Variants in CSMD1 observed in about 807,000 individuals in gnomAD.
CSMD1 encodes the protein CUB and sushi domain-containing protein 1.
In CSMD1, 213 loss-of-function variants were observed where a neutral mutation model predicts 417.5. The ratio of observed to expected loss-of-function variants is 0.51; its 90% confidence interval spans 0.46 to 0.57. The LOEUF (loss-of-function observed/expected upper bound fraction) is 0.57, where lower values mean the gene tolerates loss of function less well. Ranked by LOEUF, CSMD1 falls within the 20% of genes least tolerant of loss-of-function variation. The pLI, the probability that CSMD1 is intolerant of heterozygous loss-of-function variation, is 0.00. For synonymous variants in CSMD1, 2,862 were observed against 1,736.8 expected, an observed-to-expected ratio of 1.65 and a Z score of -16.11; for missense variants, 6,923 against 4,529.7, an observed-to-expected ratio of 1.53 and a Z score of -15.17.
chr8:4,185,016 T>A (rs997940024), intron 3 of CSMD1, among the ~76,000 whole-genome samples: 1 of 151,020 alleles, frequency 6.6e-6, no homozygotes, highest in Non-Finnish European at 1.5e-5. Flanking sequence ...GTGGGTGCCT[T>A]TAATCCCAGC....
In CSMD1 at chr8:4,279,890, C is replaced by G. The variant is rs535643743; in HGVS notation, c.415+140063G>C. ...AATCTGAAGCAGATGCCAACTGCGT[C>G]AAAAGCTTGTGTTCTATACATTTTT... is the stretch of plus-strand genomic sequence containing the variant. On this transcript the variant is annotated intron_variant, in intron 3 of 69. Coordinates refer to ENST00000635120, the MANE Select transcript of CSMD1 (RefSeq NM_033225.6). Among the ~76,000 whole-genome samples the G allele has an allele frequency of 2.0e-5, 3 of 152,284 alleles. No individual in the cohort carries two copies. The South Asian group carries it at 6.2e-4, about 32-fold the overall frequency.
At chr8:4,269,627 T>A (rs759547481) in intron 3 of CSMD1, among the ~76,000 whole-genome samples, 3 of 152,186 alleles carry the variant, frequency 2.0e-5, no homozygotes. Flanking sequence ...ATACGTATAT[T>A]GTAAATATCA....
rs117276574 is a variant in CSMD1, at chr8:3,654,374, G to C, written c.1010-37577C>G. ...GTCACATTGAAATCAGTTAGTTTTA[G>C]ACTGCGTATAAATAGCAGAGATGTA... On this transcript the variant is annotated intron_variant, in intron 7 of 69. Transcript: ENST00000635120. Among the ~76,000 whole-genome samples, 40 of 152,260 alleles carry C rather than the reference G, an allele frequency of 2.6e-4. No individual in the cohort carries two copies. The East Asian group carries it at 4.4e-3, about 17-fold the overall frequency.
rs10576784 is a variant in CSMD1, at chr8:4,588,779, G to GACACACACACACACACACACAC, written c.302+48541_302+48562dup. Among the ~76,000 whole-genome samples the GACACACACACACACACACACAC allele has an allele frequency of 8.7e-4, 128 of 146,368 alleles. 1 individual carries two copies. Among genetic ancestry groups the GACACACACACACACACACACAC allele is most frequent in the Non-Finnish European group, 1.4e-3 (96 of 66,512 alleles). ...CAGCCTGGCGACAGAGCAAGACTCC[G>GACACACACACACACACACACAC]ACACACACACACACACACACACACA... On this transcript the variant is annotated intron_variant, in intron 2 of 69. Transcript: ENST00000635120.
At chr8:4,390,049 A>C (rs1803738352) in intron 3 of CSMD1, among the ~76,000 whole-genome samples, 1 of 152,122 alleles carries the variant, frequency 6.6e-6, no homozygotes, top group Admixed American at 6.5e-5. Flanking sequence ...ACTAATTTAC[A>C]TTTTCTAGAG....
chr8:3,192,074 A>T (rs1382523519), intron 33 of CSMD1, among the ~76,000 whole-genome samples: 1 of 152,242 alleles, frequency 6.6e-6, no homozygotes, highest in Admixed American at 6.5e-5. Flanking sequence ...AAGCAGTTCC[A>T]TGAAAACGGA....
intron 3 of CSMD1, among the ~76,000 whole-genome samples, chr8:4,258,137 G>A (rs1803592224): frequency 6.6e-6 from 1 of 150,578 alleles, no homozygotes. Context: ...TAGAGATGAG[G>A]TCTCACCATG....
intron 47 of CSMD1, among the ~76,000 whole-genome samples, chr8:3,092,902 CATT>C (rs10566899): frequency 0.31 from 47,413 of 151,912 alleles, 7,420 homozygotes; most frequent in South Asian, 0.41. Context: ...ATGCAGCTCT[CATT>C]GTTGTTCATA....
intron 3 of CSMD1, among the ~76,000 whole-genome samples, chr8:4,208,622 T>G (rs547613561): frequency 3.8e-4 from 58 of 152,212 alleles, no homozygotes; most frequent in African/African-American, 1.3e-3. Context: ...TATAGAGTCA[T>G]AAAACTAAGG....
chr8:3,202,289 C>G (rs1031615798), intron 31 of CSMD1, among the ~76,000 whole-genome samples: 1 of 152,188 alleles, frequency 6.6e-6, no homozygotes, highest in Non-Finnish European at 1.5e-5. Flanking sequence ...ATTTAAAATT[C>G]CTCACAAAAG....
intron 3 of CSMD1, among the ~76,000 whole-genome samples, chr8:4,179,523 G>C (rs1295626965): frequency 1.3e-5 from 2 of 150,474 alleles, no homozygotes; most frequent in African/African-American, 2.5e-5. Context: ...CATGGGCAAA[G>C]ACTTCATGTC....
At chr8:4,878,325 G>A (rs1333539414) in intron 1 of CSMD1, among the ~76,000 whole-genome samples, 1 of 152,040 alleles carries the variant, frequency 6.6e-6, no homozygotes, top group South Asian at 2.1e-4. Flanking sequence ...TCTTTCTGCA[G>A]AACTCGGGAA....
intron 3 of CSMD1, among the ~76,000 whole-genome samples, chr8:4,302,384 G>C (rs4313177): frequency 6.6e-6 from 1 of 152,010 alleles, no homozygotes; most frequent in South Asian, 2.1e-4. Flanking sequence ...ATACTATTCA[G>C]GCACTAGTTG....
intron 5 of CSMD1, among the ~76,000 whole-genome samples, chr8:3,967,620 G>A (rs1437395872): frequency 4.6e-5 from 7 of 152,132 alleles, no homozygotes; most frequent in Admixed American, 6.5e-5. Flanking sequence ...TTATTTTTAC[G>A]TGCATTACTC....
At chr8:3,627,303 G>C (rs964693696) in intron 7 of CSMD1, among the ~76,000 whole-genome samples, 2 of 152,112 alleles carry the variant, frequency 1.3e-5, no homozygotes, top group African/African-American at 4.8e-5. Context: ...ACACTTGGGA[G>C]AAGTAAAATT....
At chr8:3,884,840 T>G (rs1004124962) in intron 5 of CSMD1, among the ~76,000 whole-genome samples, 1 of 151,674 alleles carries the variant, frequency 6.6e-6, no homozygotes, top group Non-Finnish European at 1.5e-5. Flanking sequence ...GTCGTCAGTC[T>G]GTGTATGAAA....
intron 3 of CSMD1, among the ~76,000 whole-genome samples, chr8:4,160,054 A>C (rs1797060409): frequency 6.6e-6 from 1 of 151,978 alleles, no homozygotes; most frequent in Non-Finnish European, 1.5e-5. Context: ...CATGTAACCA[A>C]ATACCACCTG....
chr8:3,959,905 A>G (rs1812209295), intron 5 of CSMD1, among the ~76,000 whole-genome samples: 1 of 152,160 alleles, frequency 6.6e-6, no homozygotes, highest in Non-Finnish European at 1.5e-5. Context: ...TATTATTTAG[A>G]TGTATGGGTA....
rs117179779 is a variant in CSMD1, at chr8:4,822,921, T to C, written c.85+171411A>G. ...TGCACTGTGTACTTTCTGTGACTAA[T>C]ATTTTGTTTTGATAATTTATTCGGA... On this transcript the variant is annotated intron_variant, in intron 1 of 69. Transcript: ENST00000635120. 2.0e-5 allele frequency among the ~76,000 whole-genome samples: 3 copies of C among 152,260 alleles called. No individual in the cohort carries two copies. In the East Asian group the frequency reaches 5.8e-4, roughly 29 times the overall value.
Sources: gnomAD v4.1 joint callset for allele counts (sites outside exome capture counted in the v4.1 genomes callset) on GRCh38, gnomAD v4.1.1 for gene constraint, MANE v1.5 for transcripts, NCBI Gene and HGNC (gene_info 2026-07-23, HGNC 2026-07-21) for gene names.